Variants in TRAT1 observed in about 807,000 individuals in gnomAD.
TRAT1 encodes T cell receptor associated transmembrane adaptor 1.
Under a neutral mutation model 20.0 loss-of-function variants are expected in TRAT1, and 20 were observed. That is an observed-to-expected ratio of 1.00 (90% CI 0.70 to 1.45). TRAT1 has a LOEUF of 1.45. Ranked by LOEUF, TRAT1 falls within the 40% of genes most tolerant of loss-of-function variation. The pLI, the probability that TRAT1 is intolerant of heterozygous loss-of-function variation, is 0.00. For missense variants in TRAT1, 237 were observed against 224.1 expected (o/e 1.06, Z -0.37); for synonymous variants, 77 against 74.2 (o/e 1.04, Z -0.20).
chr3:108,847,809 T>G (rs1945960871), intron 4 of TRAT1, among the ~76,000 whole-genome samples: 1 of 152,144 alleles, frequency 6.6e-6, no homozygotes, highest in Admixed American at 6.5e-5. Flanking sequence ...ATTCAATACA[T>G]CAGAGGAGAC....
intron 1 of TRAT1, among the ~76,000 whole-genome samples, chr3:108,824,469 T>C (rs1395225529): frequency 1.3e-5 from 2 of 152,302 alleles, no homozygotes; most frequent in East Asian, 1.9e-4. Flanking sequence ...TATAATGAGG[T>C]TGAACATTTT....
At chr3:108,841,474 G>T (rs1347683323) in intron 3 of TRAT1, among the ~76,000 whole-genome samples, 2 of 152,140 alleles carry the variant, frequency 1.3e-5, no homozygotes, top group African/African-American at 2.4e-5. Context: ...CATTAAAACA[G>T]GGCAAGTGAA....
At chr3:108,830,069 G>T (rs1945778971) in intron 1 of TRAT1, among the ~76,000 whole-genome samples, 1 of 152,128 alleles carries the variant, frequency 6.6e-6, no homozygotes, top group Non-Finnish European at 1.5e-5. Flanking sequence ...TGGTAATACT[G>T]ATTATCCTGA....
Position 108,831,538 on chromosome 3 carries a change from C to CA in TRAT1, c.118+758_118+759insA, listed in dbSNP as rs1553726556. Among the ~76,000 whole-genome samples the CA allele has an allele frequency of 8.3e-5, 11 of 132,166 alleles. No individual in the cohort carries two copies. In the Admixed American group the frequency reaches 8.4e-4, roughly 10 times the overall value. The allele number at this position is 132,166 out of a possible 152,430, so 86.7% of individuals were successfully genotyped here. On this transcript the variant is annotated intron_variant, in intron 2 of 5. Coordinates refer to ENST00000295756, the MANE Select transcript of TRAT1 (RefSeq NM_016388.4). ...AAGTTCAAATATTGCTGGAAGGTAT[C>CA]TTTTTTTTTTTTTTTTTTTGAGACA...
intron 1 of TRAT1, among the ~76,000 whole-genome samples, chr3:108,825,450 T>A (rs1945729434): frequency 6.6e-6 from 1 of 152,170 alleles, no homozygotes; most frequent in Non-Finnish European, 1.5e-5. Context: ...CTCATTGTCT[T>A]TACTCAGTTT....
At chr3:108,836,142 T>G (rs1945839832) in intron 2 of TRAT1, among the ~76,000 whole-genome samples, 1 of 152,070 alleles carries the variant, frequency 6.6e-6, no homozygotes, top group Non-Finnish European at 1.5e-5. Context: ...ATAGTCCCGA[T>G]CTCCCGACCT....
chr3:108,839,712 T>C (rs1945875777), intron 3 of TRAT1, among the ~76,000 whole-genome samples: 2 of 152,006 alleles, frequency 1.3e-5, no homozygotes, highest in Admixed American at 1.3e-4. Context: ...GCTATGCTGT[T>C]TGTAGAGTTA....
intron 3 of TRAT1, among the ~76,000 whole-genome samples, chr3:108,846,833 A>G (rs1008549055): frequency 6.6e-6 from 1 of 152,222 alleles, no homozygotes; most frequent in Non-Finnish European, 1.5e-5. Context: ...TGCTATCATG[A>G]TTCCCTGTAA....
At chr3:108,839,952 T>C (rs910747955) in intron 3 of TRAT1, among the ~76,000 whole-genome samples, 3 of 152,030 alleles carry the variant, frequency 2.0e-5, no homozygotes, top group African/African-American at 7.2e-5. Flanking sequence ...ATTTCTGTTT[T>C]AGGGGTAAAA....
intron 4 of TRAT1, among the ~76,000 whole-genome samples, chr3:108,847,871 T>C (rs75686989): frequency 1.2e-3 from 187 of 152,316 alleles, no homozygotes; most frequent in African/African-American, 4.3e-3. Context: ...AGACATCCAG[T>C]AATGTAGGAA....
chr3:108,824,970 C>T (rs1326975269), intron 1 of TRAT1, among the ~76,000 whole-genome samples: 1 of 152,072 alleles, frequency 6.6e-6, no homozygotes, highest in African/African-American at 2.4e-5. Flanking sequence ...TCAGACTTCC[C>T]CTTTGGGTTT....
intron 5 of TRAT1, among the ~76,000 whole-genome samples, chr3:108,853,257 C>T (rs1946013235): frequency 6.6e-6 from 1 of 152,150 alleles, no homozygotes; most frequent in African/African-American, 2.4e-5. Flanking sequence ...CTTATTCCTA[C>T]TTTAATAAAC....
intron 3 of TRAT1, among the ~76,000 whole-genome samples, chr3:108,839,861 A>AT (rs1234301268): frequency 6.6e-6 from 1 of 152,124 alleles, no homozygotes; most frequent in Non-Finnish European, 1.5e-5. Flanking sequence ...TAAAAAAAAT[A>AT]TTTATGGCAT....
chr3:108,848,066 C>T (rs563157765), intron 4 of TRAT1, among the ~76,000 whole-genome samples: 1 of 152,210 alleles, frequency 6.6e-6, no homozygotes, highest in African/African-American at 2.4e-5. Flanking sequence ...AATTTGTCCC[C>T]ATTTCACTTT....
intron 5 of TRAT1, among the ~76,000 whole-genome samples, chr3:108,849,982 T>C (rs963254232): frequency 9.2e-5 from 14 of 152,252 alleles, no homozygotes; most frequent in African/African-American, 3.4e-4. Context: ...GATCCTGTCT[T>C]GTTACTGCCT....
intron 2 of TRAT1, among the ~76,000 whole-genome samples, chr3:108,836,385 T>C (rs1426330610): frequency 6.6e-6 from 1 of 152,228 alleles, no homozygotes; most frequent in East Asian, 1.9e-4. Context: ...GCAATGACAC[T>C]CTTCACTTTT....
intron 3 of TRAT1, 90 bp from the exon 4 acceptor site, chr3:108,846,978 T>C: frequency 1.1e-6 from 1 of 917,728 alleles, no homozygotes; most frequent in Non-Finnish European, 1.7e-6. Context: ...TAGGCAATAG[T>C]TCACTTAATA....
chr3:108,838,325 G>A (rs1389182608), intron 2 of TRAT1, among the ~76,000 whole-genome samples: 1 of 124,754 alleles, frequency 8.0e-6, no homozygotes, highest in African/African-American at 4.1e-5. Flanking sequence ...AAAGTAGATA[G>A]ATAGATAGAT....
chr3:108,838,783 T>C, intron 2 of TRAT1, 151 bp from the exon 3 acceptor site: 3 of 690,036 alleles, frequency 4.3e-6, no homozygotes, highest in Non-Finnish European at 7.9e-6. Context: ...GAGGAGACCT[T>C]TAACCCTACT....
Sources: allele counts gnomAD v4.1 joint callset (sites outside exome capture counted in the v4.1 genomes callset), GRCh38; gene constraint gnomAD v4.1.1; transcripts MANE v1.5; gene names NCBI Gene and HGNC (gene_info 2026-07-23, HGNC 2026-07-21).